The following SGK1 variants were observed in gnomAD, a reference collection of about 807,000 sequenced individuals.
SGK1 encodes serine/threonine-protein kinase Sgk1.
SGK1 carries 26 observed loss-of-function variants against 64.2 expected under a neutral mutation model. The ratio of observed to expected loss-of-function variants is 0.40; its 90% CI spans 0.30 to 0.56. SGK1 has a LOEUF of 0.56. Ranked by LOEUF, SGK1 falls within the 20% of genes least tolerant of loss-of-function variation. The pLI is 0.38. For missense variants in SGK1, 519 were observed against 645.6 expected (o/e 0.80, Z 2.12); for synonymous variants, 265 against 239.7 (o/e 1.11, Z -0.98).
intron 3 of SGK1, among the ~76,000 whole-genome samples, chr6:134,197,482 A>C (rs1775611076): frequency 6.6e-6 from 1 of 152,188 alleles, no homozygotes; most frequent in South Asian, 2.1e-4. Context: ...CAAGAATATC[A>C]GCAGCTATTG....
At chr6:134,267,185 A>C (rs1430942901) in intron 1 of SGK1, among the ~76,000 whole-genome samples, 2 of 151,506 alleles carry the variant, frequency 1.3e-5, no homozygotes, top group East Asian at 3.9e-4. Context: ...TTTTTTAAAT[A>C]TTCTTTTTTC....
intron 1 of SGK1, among the ~76,000 whole-genome samples, chr6:134,280,000 C>T (rs922393477): frequency 8.6e-5 from 13 of 151,952 alleles, no homozygotes; most frequent in African/African-American, 2.4e-4. Flanking sequence ...CGAGACCAGC[C>T]GGGGCAACAT....
chr6:134,297,371 G>A lies in SGK1; in HGVS notation c.69+20021C>T, dbSNP rs778611668. On this transcript the variant is annotated intron_variant, in intron 1 of 13. Coordinates refer to ENST00000367858, the MANE Select transcript of SGK1 (RefSeq NM_001143676.3). The stretch of plus-strand genomic sequence containing the variant: ...GGGCGGCCTCCAGCTCAGACAGCTT[G>A]GCGTTGGCATCCTTAACAGCCAGCT... 468 of 872,142 alleles carry A rather than the reference G, an allele frequency of 5.4e-4. 2 individuals carry two copies. The highest frequency in any genetic ancestry group is 7.5e-4 in the Non-Finnish European group (394 of 526,876). The allele number at this position is 872,142 out of a possible 1,614,324, so 54.0% of individuals were successfully genotyped here.
At chr6:134,240,544 T>C (rs1776429202) in intron 2 of SGK1, among the ~76,000 whole-genome samples, 1 of 152,192 alleles carries the variant, frequency 6.6e-6, no homozygotes, top group Non-Finnish European at 1.5e-5. Flanking sequence ...AATAATGTAT[T>C]TTCCTCATCA....
In SGK1 at chr6:134,270,251, T is replaced by A. The variant is rs757394939; in HGVS notation, c.70-8103A>T. ...CCTATTACTGTCTTTTCTCTAGTGTTTGTAGTGTTTATTGCTTGTATAAAA... is the reference window on the plus strand; with the variant it reads ...CCTATTACTGTCTTTTCTCTAGTGTATGTAGTGTTTATTGCTTGTATAAAA... On this transcript the variant is annotated intron_variant, in intron 1 of 13. Coordinates refer to ENST00000367858, the MANE Select transcript of SGK1 (RefSeq NM_001143676.3). Among the ~76,000 whole-genome samples the A allele has an allele frequency of 7.4e-5, 11 of 147,886 alleles. 1 individual carries two copies. Among genetic ancestry groups the A allele is most frequent in the Non-Finnish European group, 1.5e-4 (10 of 66,772 alleles).
chr6:134,198,415 G>A (rs1428164478), intron 3 of SGK1, among the ~76,000 whole-genome samples: 3 of 152,132 alleles, frequency 2.0e-5, no homozygotes, highest in African/African-American at 7.2e-5. Flanking sequence ...GTTAGATAAT[G>A]CCATACTTCG....
At chr6:134,178,282 G>T (rs558987157) in intron 3 of SGK1, among the ~76,000 whole-genome samples, 1 of 152,152 alleles carries the variant, frequency 6.6e-6, no homozygotes, top group Non-Finnish European at 1.5e-5. Flanking sequence ...TCATTTAACC[G>T]AGAGAATCAA....
intron 2 of SGK1, chr6:134,215,152 G>C (rs73560868): frequency 0.15 from 54,977 of 371,260 alleles, 5,034 homozygotes; most frequent in African/African-American, 0.35. Flanking sequence ...TTTTTTGAGA[G>C]AGCTTTGTTG....
At chr6:134,294,689 C>A (rs951205436) in intron 1 of SGK1, among the ~76,000 whole-genome samples, 8 of 152,000 alleles carry the variant, frequency 5.3e-5, no homozygotes, top group Admixed American at 4.6e-4. Flanking sequence ...TGTGCACCAC[C>A]CCCCCAACCA....
chr6:134,273,591 T>G, intron 1 of SGK1, among the ~76,000 whole-genome samples: 1 of 7,978 alleles, frequency 1.3e-4, no homozygotes, highest in African/African-American at 8.4e-4. Flanking sequence ...AGACTCCGTC[T>G]CAAAAAAAAA....
intron 3 of SGK1, among the ~76,000 whole-genome samples, chr6:134,203,305 A>T (rs1302414945): frequency 6.6e-6 from 1 of 152,226 alleles, no homozygotes; most frequent in Non-Finnish European, 1.5e-5. Context: ...TGAAAATGTG[A>T]TGCAAAGAGG....
In SGK1 at chr6:134,172,790, C is replaced by T. The variant is rs771651066; in HGVS notation, c.835-16G>A. On this transcript the variant is annotated splice_polypyrimidine_tract_variant and intron_variant, in intron 8 of 13. Transcript: ENST00000367858. ...GGTAGAACAACTGCAGGAGACAGAA[C>T]AAAGTCATTCTGGGTTGCAAATGAA... is the stretch of plus-strand genomic sequence containing the variant. The T allele has an allele frequency of 1.9e-6, 3 of 1,558,460 alleles. No homozygotes were observed. The highest frequency in any genetic ancestry group is 2.7e-5 in the African/African-American group (2 of 73,752).
rs759437802 is a variant in SGK1 at position 134,217,499 on chromosome 6, T to C, written c.286-10068A>G. Among the ~76,000 whole-genome samples the C allele has an allele frequency of 5.3e-5, 8 of 152,160 alleles. No individual in the cohort carries two copies. In the South Asian group the frequency reaches 6.2e-4, roughly 12 times the overall value. On this transcript the variant is annotated intron_variant, in intron 2 of 13. Transcript: ENST00000367858. ...GGTGGGCTTCACTCACACAGTCGAA[T>C]GGGTTTCTCATGCCTTTGTCCCTGG...
intron 1 of SGK1, among the ~76,000 whole-genome samples, chr6:134,303,193 T>C (rs1777484565): frequency 6.6e-6 from 1 of 151,596 alleles, no homozygotes; most frequent in African/African-American, 2.4e-5. Context: ...GGAGATCGAG[T>C]CCATCCTGGC....
rs540579604 is a variant in SGK1, at chr6:134,175,731, C to T, written c.362-1145G>A. The stretch of plus-strand genomic sequence containing the variant: ...AGCACTGACGTTTCCTTGAAGGAGC[C>T]GCCGTGACTCAGGCCGGGCAAGATT... On this transcript the variant is annotated intron_variant, in intron 3 of 13. Transcript: ENST00000367858. 2.9e-6 allele frequency: 4 copies of T among 1,371,192 alleles called. No individual in the cohort carries two copies. In the African/African-American group the frequency reaches 4.6e-5, roughly 16 times the overall value. 84.9% of individuals were successfully genotyped at this position (1,371,192 alleles called of 1,614,324 possible).
chr6:134,277,531 G>C (rs1777035168), intron 1 of SGK1, among the ~76,000 whole-genome samples: 1 of 152,150 alleles, frequency 6.6e-6, no homozygotes, highest in Non-Finnish European at 1.5e-5. Context: ...GCAGGTGTGA[G>C]AGGTGGGCAG....
At chr6:134,173,699 A>G in intron 5 of SGK1, 133 bp from the exon 6 acceptor site, 1 of 653,786 alleles carries the variant, frequency 1.5e-6, no homozygotes, top group Non-Finnish European at 2.6e-6. Flanking sequence ...AACATTCAAA[A>G]CTACATTTCA....
chr6:134,284,491 C>CTTTTTTTT (rs34917996), intron 1 of SGK1, among the ~76,000 whole-genome samples: 1 of 143,064 alleles, frequency 7.0e-6, no homozygotes, highest in Non-Finnish European at 1.5e-5. Flanking sequence ...TTCTTTCTTT[C>CTTTTTTTT]TTTTTTTTTT....
At chr6:134,189,533 T>C (rs1369808649) in intron 3 of SGK1, among the ~76,000 whole-genome samples, 1 of 152,242 alleles carries the variant, frequency 6.6e-6, no homozygotes, top group Non-Finnish European at 1.5e-5. Context: ...AATTACATCG[T>C]ACTCTCTACT....
Sources: allele counts gnomAD v4.1 joint callset (sites outside exome capture counted in the v4.1 genomes callset), GRCh38; gene constraint gnomAD v4.1.1; transcripts MANE v1.5; gene names NCBI Gene and HGNC (gene_info 2026-07-23, HGNC 2026-07-21).